Variants in TMEM135 observed in about 807,000 individuals in gnomAD.
TMEM135 encodes peroxisomal membrane protein 52.
Under a neutral mutation model 60.3 loss-of-function variants are expected in TMEM135, and 30 were observed. That is an observed-to-expected ratio of 0.50 (90% CI 0.37 to 0.68). The LOEUF (loss-of-function observed/expected upper bound fraction) is 0.68, where lower values mean the gene tolerates loss of function less well. Ranked by LOEUF, TMEM135 falls within the 30% of genes least tolerant of loss-of-function variation. The pLI, the probability that TMEM135 is intolerant of heterozygous loss-of-function variation, is 0.00. For missense variants in TMEM135, 468 were observed against 548.8 expected (o/e 0.85, Z 1.47); for synonymous variants, 190 against 186.7 (o/e 1.02, Z -0.14).
At chr11:87,061,653 T>C (rs977218151) in intron 1 of TMEM135, among the ~76,000 whole-genome samples, 3 of 152,214 alleles carry the variant, frequency 2.0e-5, no homozygotes, top group Admixed American at 2.0e-4. Context: ...CTAGTAAGGC[T>C]AAGATCATGG....
chr11:87,290,441 T>C (rs550405041), intron 6 of TMEM135, among the ~76,000 whole-genome samples: 7 of 152,318 alleles, frequency 4.6e-5, no homozygotes, highest in Non-Finnish European at 8.8e-5. Flanking sequence ...GTGTTTGCTA[T>C]AGAAGTCACA....
intron 5 of TMEM135, among the ~76,000 whole-genome samples, chr11:87,217,398 A>C (rs1403281922): frequency 6.6e-6 from 1 of 152,204 alleles, no homozygotes; most frequent in African/African-American, 2.4e-5. Context: ...GTGTTTTATA[A>C]ATCTAGGAAT....
chr11:87,083,645 A>T (rs190602046), intron 3 of TMEM135, among the ~76,000 whole-genome samples: 25 of 152,318 alleles, frequency 1.6e-4, no homozygotes, highest in Non-Finnish European at 2.4e-4. Context: ...TTCAAGTTTC[A>T]TTGGCATGTT....
chr11:87,314,920 G>A (rs1029036853), intron 12 of TMEM135, among the ~76,000 whole-genome samples: 1 of 151,578 alleles, frequency 6.6e-6, no homozygotes, highest in African/African-American at 2.4e-5. Context: ...AAAGAATAAA[G>A]GCTAAAGGCT....
chr11:87,123,838 C>G (rs1225592536), intron 4 of TMEM135, among the ~76,000 whole-genome samples: 1 of 152,156 alleles, frequency 6.6e-6, no homozygotes, highest in East Asian at 1.9e-4. Context: ...CATCTTTTCT[C>G]TTGTTTATTC....
intron 4 of TMEM135, among the ~76,000 whole-genome samples, chr11:87,156,995 T>G (rs575992): frequency 0.24 from 36,184 of 151,800 alleles, 5,094 homozygotes; most frequent in East Asian, 0.61. Flanking sequence ...GGGGTACAAT[T>G]TATAACTTCT....
chr11:87,124,363 A>G (rs1291849288), intron 4 of TMEM135, among the ~76,000 whole-genome samples: 11 of 152,124 alleles, frequency 7.2e-5, no homozygotes. Flanking sequence ...CCCTCCTTCC[A>G]CCTTGCCTTT....
intron 4 of TMEM135, among the ~76,000 whole-genome samples, chr11:87,092,600 G>T (rs1857233351): frequency 6.6e-6 from 1 of 152,128 alleles, no homozygotes; most frequent in African/African-American, 2.4e-5. Context: ...GACAGCAGGA[G>T]AGCAGGATTT....
At chr11:87,049,611 G>T (rs1949823803) in intron 1 of TMEM135, among the ~76,000 whole-genome samples, 1 of 122,870 alleles carries the variant, frequency 8.1e-6, no homozygotes, top group Admixed American at 8.1e-5. Context: ...AACAAGAGAA[G>T]CTAACTATCC....
chr11:87,071,453 A>G lies in TMEM135; in HGVS notation c.270-70A>G, dbSNP rs936565197. On this transcript the variant is annotated intron_variant, in intron 2 of 14. Coordinates refer to ENST00000305494, the MANE Select transcript of TMEM135 (RefSeq NM_022918.4). ...AAATAGAGTATGGATGGAGAAGGGAAACTTCTATTCATAATAACTGAAGTG... is the reference window on the plus strand; with the variant it reads ...AAATAGAGTATGGATGGAGAAGGGAGACTTCTATTCATAATAACTGAAGTG... 9.4e-6 allele frequency: 11 copies of G among 1,164,222 alleles called. No individual in the cohort carries two copies. In the African/African-American group the frequency reaches 1.2e-4, roughly 13 times the overall value. 72.1% of individuals were successfully genotyped at this position (1,164,222 alleles called of 1,614,324 possible). A position where few individuals can be genotyped will look rare whatever the true frequency, so the allele number is the denominator to read the frequency against.
chr11:87,209,329 T>C (rs1008414859), intron 5 of TMEM135, among the ~76,000 whole-genome samples: 16 of 152,124 alleles, frequency 1.1e-4, no homozygotes, highest in African/African-American at 3.4e-4. Context: ...ATGACAGCCA[T>C]AGGCACAAAA....
intron 4 of TMEM135, among the ~76,000 whole-genome samples, chr11:87,112,046 C>T (rs1448883513): frequency 6.6e-6 from 1 of 152,040 alleles, no homozygotes; most frequent in Admixed American, 6.6e-5. Flanking sequence ...AGGAAACAAA[C>T]CTTATATGTG....
intron 1 of TMEM135, among the ~76,000 whole-genome samples, chr11:87,054,134 G>A (rs145308403): frequency 9.2e-5 from 14 of 152,322 alleles, no homozygotes; most frequent in South Asian, 4.1e-4. Flanking sequence ...GCTCATAGCA[G>A]TATTGAAAAA....
chr11:87,281,307 C>T (rs896313602), intron 6 of TMEM135, among the ~76,000 whole-genome samples: 3 of 151,992 alleles, frequency 2.0e-5, no homozygotes, highest in African/African-American at 7.2e-5. Context: ...ATTACATGGA[C>T]AAAAATTTCT....
intron 5 of TMEM135, among the ~76,000 whole-genome samples, chr11:87,220,787 T>C (rs1333555033): frequency 1.3e-5 from 2 of 152,192 alleles, no homozygotes; most frequent in Non-Finnish European, 1.5e-5. Flanking sequence ...CTATAACTTA[T>C]ATGAGTGATT....
Position 87,323,174 on chromosome 11 carries a change from A to C in TMEM135, c.*1841A>C, listed in dbSNP as rs1565173070. On this transcript the variant is annotated 3_prime_UTR_variant, in exon 15 of 15. Transcript: ENST00000305494. Reference sequence around the variant, plus strand: ...ATTACGAAATTTGCTGAGATTGTTTAGTAAAATTTTGCTGGTCAAAAAGGT... The same window carrying C: ...ATTACGAAATTTGCTGAGATTGTTTCGTAAAATTTTGCTGGTCAAAAAGGT... The C allele has an allele frequency of 2.2e-6, 1 of 454,012 alleles. No homozygotes were observed. Among genetic ancestry groups the C allele is most frequent in the African/African-American group, 2.0e-5 (1 of 50,124 alleles). 28.1% of individuals were successfully genotyped at this position (454,012 alleles called of 1,614,324 possible).
intron 6 of TMEM135, among the ~76,000 whole-genome samples, chr11:87,292,537 ATCTT>A (rs1258367982): frequency 3.9e-5 from 6 of 152,188 alleles, no homozygotes; most frequent in African/African-American, 7.2e-5. Context: ...CTTTGTTTAA[ATCTT>A]TATATTGTAT....
At chr11:87,068,368 CTGACA>C (rs748694241) in intron 2 of TMEM135, among the ~76,000 whole-genome samples, 3 of 152,160 alleles carry the variant, frequency 2.0e-5, no homozygotes, top group Non-Finnish European at 4.4e-5. Flanking sequence ...TCTTACTTAT[CTGACA>C]TATTTATTAG....
chr11:87,128,956 T>C (rs1399332328), intron 4 of TMEM135, among the ~76,000 whole-genome samples: 1 of 151,978 alleles, frequency 6.6e-6, no homozygotes, highest in Non-Finnish European at 1.5e-5. Flanking sequence ...AATTATTTCT[T>C]CCAAATGCCC....
Sources: allele counts gnomAD v4.1 joint callset (sites outside exome capture counted in the v4.1 genomes callset), GRCh38; gene constraint gnomAD v4.1.1; transcripts MANE v1.5; gene names NCBI Gene and HGNC (gene_info 2026-07-23, HGNC 2026-07-21).